The following RHCG variants were observed in gnomAD, a reference collection of about 807,000 sequenced individuals.
RHCG encodes the protein ammonium transporter Rh type C.
A neutral mutation model predicts 55.3 loss-of-function variants in RHCG; 39 were observed. The ratio of observed to expected loss-of-function variants is 0.70; its 90% CI spans 0.55 to 0.92. The LOEUF (loss-of-function observed/expected upper bound fraction) is 0.92, where lower values mean the gene tolerates loss of function less well. Among genes scored for constraint, RHCG ranks in the 40% least tolerant of loss-of-function variants. RHCG has a pLI of 0.00. For missense variants in RHCG, 635 were observed against 627.9 expected (o/e 1.01, Z -0.12); for synonymous variants, 250 against 246.8 (o/e 1.01, Z -0.12).
intron 1 of RHCG, 40 bp downstream of exon 1, chr15:89,496,321 C>T: frequency 1.2e-6 from 2 of 1,608,068 alleles, no homozygotes; most frequent in South Asian, 2.2e-5. Context: ...GGGACCGGCG[C>T]GGATATGCCT....
chr15:89,475,228 C>A (rs937473767), intron 9 of RHCG, among the ~76,000 whole-genome samples: 2 of 150,852 alleles, frequency 1.3e-5, no homozygotes, highest in South Asian at 2.1e-4. Flanking sequence ...CTTTTTCCTT[C>A]TTTTCTTTCC....
chr15:89,476,012 GCTCTCT>G (rs147396388), intron 9 of RHCG, among the ~76,000 whole-genome samples: 1 of 132,720 alleles, frequency 7.5e-6, no homozygotes, highest in Non-Finnish European at 1.5e-5. Flanking sequence ...TCTTGCTCTC[GCTCTCT>G]CTCTCTCTCT....
Position 89,490,786 on chromosome 15 carries a change from G to C in RHCG, c.185-3801C>G, listed in dbSNP as rs567154289. 5.9e-5 allele frequency among the ~76,000 whole-genome samples: 9 copies of C among 152,090 alleles called. 1 individual carries two copies. The South Asian group carries it at 1.0e-3, about 18-fold the overall frequency. ...CGTGGTGAATTTCAGATGACCAGGG[G>C]GGTGAGGGCTGGGCTGGTGGGCGGG... On this transcript the variant is annotated intron_variant, in intron 1 of 10. Coordinates refer to ENST00000268122, the MANE Select transcript of RHCG (RefSeq NM_016321.3).
rs1961187378 is a variant in RHCG at position 89,477,945 on chromosome 15, T to C, written c.867A>G (p.Gly289=). ...MVHIQNATLA[G]GVAVGTAAEM... ...CAGCAGCGGTACCCACGGCCACCCC[T>C]CCTGCGAGCGTGGCATTCTGGATGT... Residue 289 remains glycine, a synonymous_variant, in exon 6 of 11, where the codon GGA becomes GGG. Coordinates refer to ENST00000268122, the MANE Select transcript of RHCG (RefSeq NM_016321.3). This position sits in a 1 kb window ranked among gnomAD's most constrained non-coding sequence, Gnocchi z 4.5. 1 of 1,610,850 alleles carries C rather than the reference T, an allele frequency of 6.2e-7. No individual in the cohort carries two copies. Among genetic ancestry groups the C allele is most frequent in the African/African-American group, 1.3e-5 (1 of 74,844 alleles).
chr15:89,493,789 G>A (rs911625216), intron 1 of RHCG, among the ~76,000 whole-genome samples: 5 of 152,084 alleles, frequency 3.3e-5, no homozygotes, highest in South Asian at 2.1e-4. Flanking sequence ...TGCTCCTCTC[G>A]CTCCCTGGTT....
intron 2 of RHCG, 30 bp from the exon 3 acceptor site, chr15:89,483,247 G>T: frequency 6.7e-7 from 1 of 1,494,272 alleles, no homozygotes; most frequent in East Asian, 2.3e-5. Context: ...TGGAGAAGCT[G>T]GGGCAATAGC....
intron 1 of RHCG, among the ~76,000 whole-genome samples, chr15:89,494,934 C>A (rs186651727): frequency 6.6e-6 from 1 of 152,152 alleles, no homozygotes; most frequent in East Asian, 1.9e-4. Context: ...GGGAGAAGAA[C>A]AGGTAAAGGA....
At chr15:89,487,550 A>AC (rs753413724) in intron 1 of RHCG, among the ~76,000 whole-genome samples, 18 of 152,332 alleles carry the variant, frequency 1.2e-4, no homozygotes, top group Non-Finnish European at 2.6e-4. Context: ...CAGGCCAAGC[A>AC]CATCAGTTAT....
At chr15:89,486,595 A>AGAGAGTGT (rs1450401457) in intron 2 of RHCG, 3 of 327,006 alleles carry the variant, frequency 9.2e-6, no homozygotes, top group South Asian at 6.8e-5. Flanking sequence ...AGAGAGAGAG[A>AGAGAGTGT]GAGAGTGTGT....
In RHCG at chr15:89,479,492, G is replaced by C. The variant is rs747623900; in HGVS notation, c.671-4C>G. The C allele has an allele frequency of 1.2e-6, 2 of 1,609,802 alleles. No individual in the cohort carries two copies. The highest frequency in any genetic ancestry group is 1.7e-6 in the Non-Finnish European group (2 of 1,177,952). On this transcript the variant is annotated splice_polypyrimidine_tract_variant and splice_region_variant and intron_variant, in intron 4 of 10. Coordinates refer to ENST00000268122, the MANE Select transcript of RHCG (RefSeq NM_016321.3). ...TACATCCACAGGAAGAGGGTGCCTG[G>C]TCAGACCAGACAGGCCCAATGGGCC...
At chr15:89,496,240 G>C (rs1961563278) in intron 1 of RHCG, 121 bp downstream of exon 1, 1 of 961,322 alleles carries the variant, frequency 1.0e-6, no homozygotes. Flanking sequence ...AGGCCGGCGA[G>C]ATGCGGAGTC....
intron 1 of RHCG, among the ~76,000 whole-genome samples, chr15:89,495,267 G>A (rs555987103): frequency 2.8e-4 from 43 of 152,108 alleles, no homozygotes; most frequent in Non-Finnish European, 5.6e-4. Flanking sequence ...CTTTTTTCAT[G>A]CAGGCTGCCA....
intron 2 of RHCG, chr15:89,486,564 CAGAGAGAGAGAGAGAGAGAG>C (rs59120813): frequency 1.1e-5 from 3 of 267,042 alleles, no homozygotes; most frequent in African/African-American, 3.5e-5. Context: ...GAGAGAGAGA[CAGAGAGAGAGAGAGAGAGAG>C]AGAGAGAGAG....
At chr15:89,486,165 G>C (rs1455938986) in intron 2 of RHCG, 19 of 429,278 alleles carry the variant, frequency 4.4e-5, no homozygotes, top group Non-Finnish European at 8.9e-5. Flanking sequence ...GGAGGGGGCA[G>C]GGCTTCAGCC....
chr15:89,480,227 C>T (rs754853970), intron 4 of RHCG, 34 bp downstream of exon 4: 10 of 1,612,828 alleles, frequency 6.2e-6, no homozygotes, highest in Admixed American at 1.7e-5. Flanking sequence ...CTTCACCCAT[C>T]ATGGTGGCCC....
Position 89,477,137 on chromosome 15 carries a change from C to T in RHCG, c.1182G>A (p.Gln394=). Residue 394 remains glutamine, a synonymous_variant, in exon 8 of 11, where the codon CAG becomes CAA. Coordinates refer to ENST00000268122, the MANE Select transcript of RHCG (RefSeq NM_016321.3). This position sits in a 1 kb window ranked among gnomAD's most constrained non-coding sequence, Gnocchi z 4.5. Reference sequence around the variant, plus strand: ...CCAGGGTCACCAAGAGACCATAAATCTGGAACTTTCCCTGTGTTCTTGCGG... The same window carrying T: ...CCAGGGTCACCAAGAGACCATAAATTTGGAACTTTCCCTGTGTTCTTGCGG... ...DWTARTQGKF[Q]IYGLLVTLAM... is the part of the protein sequence containing the mutation. The T allele has an allele frequency of 6.2e-7, 1 of 1,614,110 alleles. No homozygotes were observed. Among genetic ancestry groups the T allele is most frequent in the East Asian group, 2.2e-5 (1 of 44,866 alleles).
At chr15:89,495,327 C>T (rs1022890771) in intron 1 of RHCG, among the ~76,000 whole-genome samples, 1 of 152,114 alleles carries the variant, frequency 6.6e-6, no homozygotes, top group Non-Finnish European at 1.5e-5. Flanking sequence ...CCCCTGTTGC[C>T]GAGAATGTCT....
chr15:89,479,562 T>C (rs1961226812), intron 4 of RHCG, 74 bp from the exon 5 acceptor site: 1 of 1,378,818 alleles, frequency 7.3e-7, no homozygotes, highest in Non-Finnish European at 9.9e-7. Context: ...CAGGCAGGCA[T>C]CCTGTCCTTT....
chr15:89,487,428 C>G (rs1271766555), intron 1 of RHCG, among the ~76,000 whole-genome samples: 2 of 152,210 alleles, frequency 1.3e-5, no homozygotes, highest in African/African-American at 4.8e-5. Context: ...CACACAGGGT[C>G]TAAGGTCGAT....
Sources: gnomAD v4.1 joint callset for allele counts (sites outside exome capture counted in the v4.1 genomes callset) on GRCh38, gnomAD v4.1.1 for gene constraint, Gnocchi (gnomAD v3.1) non-coding constraint, MANE v1.5 for transcripts, NCBI Gene and HGNC (gene_info 2026-07-23, HGNC 2026-07-21) for gene names.